PCYT1A: variants seen among roughly 807,000 people sequenced by gnomAD.
The protein encoded by PCYT1A is choline-phosphate cytidylyltransferase A.
A neutral mutation model predicts 43.7 loss-of-function variants in PCYT1A; 25 were observed. The ratio of observed to expected loss-of-function variants is 0.57; its 90% CI spans 0.42 to 0.80. The LOEUF is 0.80. Ranked by LOEUF, PCYT1A falls within the 30% of genes least tolerant of loss-of-function variation. The pLI is 0.00. For missense variants in PCYT1A, 421 were observed against 474.2 expected, an observed-to-expected ratio of 0.89 and a Z score of 1.04; for synonymous variants, 172 against 170.7, an observed-to-expected ratio of 1.01 and a Z score of -0.06.
rs574925908 is a variant in PCYT1A, at chr3:196,273,301, T to C, written c.-10-2760A>G. 6.6e-6 allele frequency among the ~76,000 whole-genome samples: 1 copy of C among 152,266 alleles called. No individual in the cohort carries two copies. The highest frequency in any genetic ancestry group is 1.9e-4 in the East Asian group (1 of 5,176). On this transcript the variant is annotated intron_variant, in intron 1 of 8. Transcript: ENST00000431016. The surrounding 1 kb of genome is among the most constrained non-coding windows in gnomAD (Gnocchi z 4.1). ...TCTTCTCTTTCTCTCTCCTCTCTTCTCTCTTTCTGTTGCCCACAGCGTGGC... is the reference window on the plus strand; with the variant it reads ...TCTTCTCTTTCTCTCTCCTCTCTTCCCTCTTTCTGTTGCCCACAGCGTGGC...
intron 1 of PCYT1A, among the ~76,000 whole-genome samples, chr3:196,275,741 GA>G (rs200596797): frequency 1.4e-4 from 20 of 140,320 alleles, no homozygotes; most frequent in South Asian, 2.2e-4. Flanking sequence ...CAACAAAAAA[GA>G]AAAAAAAAAA....
intron 7 of PCYT1A, 183 bp downstream of exon 7, chr3:196,241,765 C>A (rs914488152): frequency 8.4e-7 from 1 of 1,194,356 alleles, no homozygotes; most frequent in South Asian, 1.3e-5. Context: ...TGGTACCAGA[C>A]CGTAACGGCA....
intron 1 of PCYT1A, among the ~76,000 whole-genome samples, chr3:196,283,807 C>A (rs561219217): frequency 6.6e-6 from 1 of 152,208 alleles, no homozygotes; most frequent in Non-Finnish European, 1.5e-5. Context: ...GGAGGGTTGA[C>A]AAGGCCTAAA....
At chr3:196,240,104 A>G (rs975233758) in intron 7 of PCYT1A, 1 of 203,484 alleles carries the variant, frequency 4.9e-6, no homozygotes, top group Non-Finnish European at 1.0e-5. Context: ...CTAAAAGATC[A>G]CTGCACAATA....
At chr3:196,281,180 G>A (rs561212473) in intron 1 of PCYT1A, among the ~76,000 whole-genome samples, 46 of 152,318 alleles carry the variant, frequency 3.0e-4, no homozygotes, top group Admixed American at 7.8e-4. Context: ...TGCTTCTACC[G>A]TGGTGGTGCT....
rs1393495418 is a variant in PCYT1A, at chr3:196,287,629, C to T, written c.-25G>A. ...TAGGCACACACCTGCAACTCACGCT[C>T]CCCCGAGCCCGGTCCGGTCGGATTT... On this transcript the variant is annotated 5_prime_UTR_variant, in exon 1 of 9. Transcript: ENST00000431016. The T allele has an allele frequency of 6.6e-6, 1 of 152,280 alleles. No individual in the cohort carries two copies. The highest frequency in any genetic ancestry group is 1.5e-5 in the Non-Finnish European group (1 of 68,128). The allele number at this position is 152,280 out of a possible 1,614,324, so 9.4% of individuals were successfully genotyped here.
intron 3 of PCYT1A, chr3:196,250,629 T>C (rs1241439966): frequency 6.3e-6 from 1 of 159,026 alleles, no homozygotes; most frequent in African/African-American, 2.6e-5. Flanking sequence ...AGATACACTA[T>C]GCTGAGGCTG....
intron 1 of PCYT1A, among the ~76,000 whole-genome samples, chr3:196,275,628 G>A (rs192915181): frequency 6.6e-6 from 1 of 152,074 alleles, no homozygotes; most frequent in African/African-American, 2.4e-5. Context: ...AGCTACTCGG[G>A]AGGCTGAGGC....
chr3:196,286,321 C>G (rs1283707854), intron 1 of PCYT1A, among the ~76,000 whole-genome samples: 1 of 152,176 alleles, frequency 6.6e-6, no homozygotes, highest in Non-Finnish European at 1.5e-5. Context: ...TTCAGGAAGC[C>G]TCCTCCAGTT....
At chr3:196,281,195 G>A (rs1170914509) in intron 1 of PCYT1A, among the ~76,000 whole-genome samples, 1 of 152,224 alleles carries the variant, frequency 6.6e-6, no homozygotes, top group Non-Finnish European at 1.5e-5. Flanking sequence ...GGTGCTTAAT[G>A]AGCTGGTGCT....
At chr3:196,244,080 G>A (rs529191549) in intron 5 of PCYT1A, among the ~76,000 whole-genome samples, 41 of 150,972 alleles carry the variant, frequency 2.7e-4, no homozygotes, top group African/African-American at 1.0e-3. Context: ...CATCGTCTGA[G>A]ATGTGGGGAG....
Position 196,238,606 on chromosome 3 carries a change from T to TG in PCYT1A, c.*81dup. The TG allele has an allele frequency of 1.1e-6, 1 of 950,556 alleles. No individual in the cohort carries two copies. The highest frequency in any genetic ancestry group is 1.9e-5 in the South Asian group (1 of 52,022). The allele number at this position is 950,556 out of a possible 1,614,324, so 58.9% of individuals were successfully genotyped here. A position where few individuals can be genotyped will look rare whatever the true frequency, so the allele number is the denominator to read the frequency against. ...TTGTAGCTGTCCTTAGGTTTAGTGT[T>TG]GGGGTCACAATTTGGAATTCAACAG... On this transcript the variant is annotated 3_prime_UTR_variant, in exon 9 of 9. Coordinates refer to ENST00000431016, the MANE Select transcript of PCYT1A (RefSeq NM_001312673.2).
rs1172023635 is a variant in PCYT1A, at chr3:196,282,375, G to A, written c.-11+5240C>T. Reference sequence around the variant, plus strand: ...GTGAGTAAACTCTTGTGTTTAGAATGTGATCTTCCTAGAGTGGGTTATGGA... The same window carrying A: ...GTGAGTAAACTCTTGTGTTTAGAATATGATCTTCCTAGAGTGGGTTATGGA... On this transcript the variant is annotated intron_variant, in intron 1 of 8. Coordinates refer to ENST00000431016, the MANE Select transcript of PCYT1A (RefSeq NM_001312673.2). The surrounding 1 kb of genome is among the most constrained non-coding windows in gnomAD (Gnocchi z 4.3). 6.6e-6 allele frequency among the ~76,000 whole-genome samples: 1 copy of A among 152,196 alleles called. No homozygotes were observed. The highest frequency in any genetic ancestry group is 1.5e-5 in the Non-Finnish European group (1 of 68,042).
intron 1 of PCYT1A, among the ~76,000 whole-genome samples, chr3:196,280,288 C>T (rs1168109973): frequency 1.3e-5 from 2 of 152,128 alleles, no homozygotes; most frequent in Non-Finnish European, 2.9e-5. Context: ...GATGCCTGAA[C>T]CCCTAGAGAG....
chr3:196,261,189 T>C (rs1725097821), intron 2 of PCYT1A, among the ~76,000 whole-genome samples: 2 of 152,146 alleles, frequency 1.3e-5, no homozygotes, highest in South Asian at 2.1e-4. Context: ...GGAGGGGTAA[T>C]AGGGAGTGAC....
rs1213568103 is a variant in PCYT1A at position 196,252,641 on chromosome 3, CAGAA to C, written c.218-4322_218-4319del. On this transcript the variant is annotated intron_variant, in intron 3 of 8. Coordinates refer to ENST00000431016, the MANE Select transcript of PCYT1A (RefSeq NM_001312673.2). This position sits in a 1 kb window ranked among gnomAD's most constrained non-coding sequence, Gnocchi z 4.0. ...AGAATTAATTAATGGATTTAAGAGTCAGAAAGGTCATAGCTCAAGCTTTGACCAA... is the reference window on the plus strand; with the variant it reads ...AGAATTAATTAATGGATTTAAGAGTCAGGTCATAGCTCAAGCTTTGACCAA... 1.1e-4 allele frequency among the ~76,000 whole-genome samples: 17 copies of C among 152,284 alleles called. No homozygotes were observed. The highest frequency in any genetic ancestry group is 2.2e-4 in the Non-Finnish European group (15 of 68,004).
In PCYT1A at chr3:196,235,251, CAAAA is replaced by C. The variant is rs370723733; in HGVS notation, c.*3433_*3436del. On this transcript the variant is annotated 3_prime_UTR_variant, in exon 9 of 9. Coordinates refer to ENST00000431016, the MANE Select transcript of PCYT1A (RefSeq NM_001312673.2). This position sits in a 1 kb window ranked among gnomAD's most constrained non-coding sequence, Gnocchi z 4.3. ...ATGGTCTGACCAGCTGTGCAGCCTCCAAAAAAAAATCACTATCGCTCAGGTGCAG... is the reference window on the plus strand; with the variant it reads ...ATGGTCTGACCAGCTGTGCAGCCTCCAAAAATCACTATCGCTCAGGTGCAG... 2 of 151,180 alleles carry C rather than the reference CAAAA, an allele frequency of 1.3e-5. No individual in the cohort carries two copies. The highest frequency in any genetic ancestry group is 3.9e-4 in the East Asian group (2 of 5,176). 9.4% of individuals were successfully genotyped at this position (151,180 alleles called of 1,614,324 possible).
chr3:196,246,820 TG>T (rs1200725997), intron 5 of PCYT1A, among the ~76,000 whole-genome samples: 3 of 152,162 alleles, frequency 2.0e-5, no homozygotes, highest in Non-Finnish European at 4.4e-5. Flanking sequence ...GTCTCGTAAC[TG>T]GTGAGTTCAG....
chr3:196,270,643 C>T, intron 1 of PCYT1A, 102 bp from the exon 2 acceptor site: 1 of 802,574 alleles, frequency 1.2e-6, no homozygotes, highest in East Asian at 2.4e-5. Context: ...AGCAAAATAC[C>T]AATTCTACAG....
Sources: allele counts gnomAD v4.1 joint callset (sites outside exome capture counted in the v4.1 genomes callset), GRCh38; gene constraint gnomAD v4.1.1; non-coding constraint Gnocchi (gnomAD v3.1); transcripts MANE v1.5; gene names NCBI Gene and HGNC (gene_info 2026-07-23, HGNC 2026-07-21).